Variants in PAFAH2 observed in about 807,000 individuals in gnomAD.
The protein encoded by PAFAH2 is platelet activating factor acetylhydrolase 2, also known as platelet-activating factor acetylhydrolase 2, cytoplasmic.
In PAFAH2, 42 loss-of-function variants were observed where a neutral mutation model predicts 49.0. The ratio of observed to expected loss-of-function variants is 0.86; its 90% CI spans 0.67 to 1.11. The LOEUF (loss-of-function observed/expected upper bound fraction) is 1.11. Among genes scored for constraint, PAFAH2 ranks in the 50% least tolerant of loss-of-function variants. PAFAH2 has a pLI of 0.00. For missense variants in PAFAH2, 503 were observed against 501.8 expected, an observed-to-expected ratio of 1.00 and a Z score of -0.02; for synonymous variants, 184 against 181.3, an observed-to-expected ratio of 1.01 and a Z score of -0.12.
rs546726819 is a variant in PAFAH2 at position 25,961,735 on chromosome 1, T to C, written c.*254A>G. 1.2e-4 allele frequency: 47 copies of C among 393,502 alleles called. No individual in the cohort carries two copies. The highest frequency in any genetic ancestry group is 9.7e-4 in the African/African-American group (47 of 48,470). The allele number at this position is 393,502 out of a possible 1,614,324, so 24.4% of individuals were successfully genotyped here. ...GCCTGGGTCTCCCCCAGTCCCACTC[T>C]ACTGCTTGTTCCCCACTCCATCAAG... On this transcript the variant is annotated 3_prime_UTR_variant, in exon 11 of 11. Coordinates refer to ENST00000374282, the MANE Select transcript of PAFAH2 (RefSeq NM_000437.4).
intron 7 of PAFAH2, among the ~76,000 whole-genome samples, chr1:25,977,206 T>A (rs1190130321): frequency 1.3e-5 from 2 of 150,432 alleles, no homozygotes; most frequent in African/African-American, 4.9e-5. Flanking sequence ...GTATTTTTAG[T>A]AGAGACGGGG....
At chr1:25,971,655 C>T (rs191319594) in intron 10 of PAFAH2, among the ~76,000 whole-genome samples, 61 of 152,320 alleles carry the variant, frequency 4.0e-4, no homozygotes, top group Admixed American at 2.1e-3. Flanking sequence ...ACTGCACTCC[C>T]ACCCAGTCCA....
At chr1:25,984,641 T>G (rs190009433) in intron 4 of PAFAH2, 113 bp from the exon 5 acceptor site, 1 of 767,092 alleles carries the variant, frequency 1.3e-6, no homozygotes, top group African/African-American at 1.7e-5. Context: ...ACATCAACCT[T>G]AACTGTCTAC....
At chr1:25,980,612 TATATATATATATATATATA>T (rs1274681977) in intron 7 of PAFAH2, among the ~76,000 whole-genome samples, 1 of 19,504 alleles carries the variant, frequency 5.1e-5, no homozygotes, top group Non-Finnish European at 2.5e-4. Context: ...GGGCCATATT[TATATATATATATATATATA>T]TTTTATATAT....
chr1:25,990,532 T>C (rs922196785), intron 2 of PAFAH2, among the ~76,000 whole-genome samples, 195 bp downstream of exon 2: 4 of 152,158 alleles, frequency 2.6e-5, no homozygotes, highest in African/African-American at 9.7e-5. Context: ...TATCTCTGTC[T>C]ATTGGGATGT....
At chr1:25,981,449 C>T (rs2049687036) in intron 7 of PAFAH2, among the ~76,000 whole-genome samples, 1 of 151,892 alleles carries the variant, frequency 6.6e-6, no homozygotes, top group Non-Finnish European at 1.5e-5. Context: ...GGTTTTATAC[C>T]CTCCCGGGAG....
chr1:25,978,208 A>C (rs1010053815), intron 7 of PAFAH2, among the ~76,000 whole-genome samples: 1 of 152,126 alleles, frequency 6.6e-6, no homozygotes, highest in African/African-American at 2.4e-5. Flanking sequence ...CAACATTAAA[A>C]AAAAATAGGT....
intron 10 of PAFAH2, among the ~76,000 whole-genome samples, chr1:25,972,349 C>T (rs2049521661): frequency 6.6e-6 from 1 of 151,960 alleles, no homozygotes; most frequent in Non-Finnish European, 1.5e-5. Flanking sequence ...CCTCCCACCT[C>T]AACCCACCAA....
At chr1:25,991,669 G>A (rs571353701) in intron 1 of PAFAH2, among the ~76,000 whole-genome samples, 2 of 148,226 alleles carry the variant, frequency 1.3e-5, no homozygotes, top group South Asian at 4.6e-4. Context: ...GAGGCGGGCA[G>A]ATCACCTGAG....
chr1:25,987,448 G>C (rs2049799376), intron 4 of PAFAH2, among the ~76,000 whole-genome samples: 1 of 151,192 alleles, frequency 6.6e-6, no homozygotes. Context: ...AAGAACACAT[G>C]GGGCCGGGCG....
Position 25,967,053 on chromosome 1 carries a change from C to T in PAFAH2, c.1085-4970G>A, listed in dbSNP as rs559456702. 5.4e-4 allele frequency among the ~76,000 whole-genome samples: 68 copies of T among 126,434 alleles called. 1 individual carries two copies. The highest frequency in any genetic ancestry group is 1.3e-3 in the African/African-American group (51 of 37,890). The allele number at this position is 126,434 out of a possible 152,430, so 82.9% of individuals were successfully genotyped here. A position where few individuals can be genotyped will look rare whatever the true frequency, so the allele number is the denominator to read the frequency against. On this transcript the variant is annotated intron_variant, in intron 10 of 10. Coordinates refer to ENST00000374282, the MANE Select transcript of PAFAH2 (RefSeq NM_000437.4). ...TCTCAAAAAAAAAAAAAAAAAAAGA[C>T]TGTGAAGAGAGGGACTGGCAAGGGT... is the stretch of plus-strand genomic sequence containing the variant.
rs1207003638 is a variant in PAFAH2 at position 25,972,644 on chromosome 1, GAGA to G, written c.995_997del (p.Phe332del). The G allele has an allele frequency of 3.1e-6, 5 of 1,613,824 alleles. 1 individual carries two copies. The highest frequency in any genetic ancestry group is 3.3e-5 in the Admixed American group (2 of 59,986). The stretch of plus-strand genomic sequence containing the variant: ...GTCCAGGCTCCCACGGGTTTCAGTG[GAGA>G]AGAATTTACCAATCAAGTTGCCAGT... On this transcript the variant is annotated inframe_deletion, in exon 10 of 11. Coordinates refer to ENST00000374282, the MANE Select transcript of PAFAH2 (RefSeq NM_000437.4).
intron 10 of PAFAH2, among the ~76,000 whole-genome samples, chr1:25,971,106 T>TCTTGAGCTC (rs2049503109): frequency 1.3e-5 from 2 of 151,998 alleles, no homozygotes; most frequent in Admixed American, 1.3e-4. Flanking sequence ...TCTTGAGGGG[T>TCTTGAGCTC]TAACCTGGGC....
At position 25,962,069 on chromosome 1, in the gene PAFAH2, A is replaced by C. The variant is rs760348294; in HGVS notation, c.1099T>G (p.Tyr367Asp). The change falls in exon 11 of 11, where the codon TAT becomes GAT. Residue 367 changes from tyrosine to aspartate, a missense_variant. By Grantham distance (160) the Tyr-to-Asp change is radical. Transcript: ENST00000374282. ...LQKHLDLKED[Y>D]NQWNNLIEGI... Reference sequence around the variant, plus strand: ...TCAATAAGGTTGTTCCATTGATTATAGTCTTCTTTCAGGTCTGAAAAGGAA... The same window carrying C: ...TCAATAAGGTTGTTCCATTGATTATCGTCTTCTTTCAGGTCTGAAAAGGAA... 6.2e-7 allele frequency: 1 copy of C among 1,613,588 alleles called. No homozygotes were observed. The highest frequency in any genetic ancestry group is 8.5e-7 in the Non-Finnish European group (1 of 1,179,720).
intron 6 of PAFAH2, among the ~76,000 whole-genome samples, chr1:25,983,386 A>AAAAAAT (rs1160088442): frequency 6.6e-6 from 1 of 151,944 alleles, no homozygotes; most frequent in Non-Finnish European, 1.5e-5. Flanking sequence ...CTCTGTCCCA[A>AAAAAAT]AAAAATAAAA....
At position 25,961,874 on chromosome 1, in the gene PAFAH2, T is replaced by C; in HGVS notation, c.*115A>G. 1.5e-6 allele frequency: 1 copy of C among 677,776 alleles called. No homozygotes were observed. Among genetic ancestry groups the C allele is most frequent in the Non-Finnish European group, 2.6e-6 (1 of 380,238 alleles). 42.0% of individuals were successfully genotyped at this position (677,776 alleles called of 1,614,324 possible). On this transcript the variant is annotated 3_prime_UTR_variant, in exon 11 of 11. Coordinates refer to ENST00000374282, the MANE Select transcript of PAFAH2 (RefSeq NM_000437.4). Reference sequence around the variant, plus strand: ...CCAAGCAGCAGTGTGATTACACCTTTCAATCTGTGAAAAGGGGTCACGTTG... The same window carrying C: ...CCAAGCAGCAGTGTGATTACACCTTCCAATCTGTGAAAAGGGGTCACGTTG...
At chr1:25,972,856 C>G (rs2049531223) in intron 9 of PAFAH2, 144 bp from the exon 10 acceptor site, 1 of 823,262 alleles carries the variant, frequency 1.2e-6, no homozygotes, top group African/African-American at 1.7e-5. Flanking sequence ...TATTTTCCCC[C>G]TTGACAGAAT....
At chr1:25,990,647 C>G (rs2049858121) in intron 2 of PAFAH2, 80 bp downstream of exon 2, 1 of 1,170,796 alleles carries the variant, frequency 8.5e-7, no homozygotes, top group Admixed American at 1.8e-5. Flanking sequence ...CGTGGGAATA[C>G]AGGATCAGAC....
intron 6 of PAFAH2, 98 bp downstream of exon 6, chr1:25,983,848 G>T: frequency 7.5e-7 from 1 of 1,336,902 alleles, no homozygotes; most frequent in South Asian, 1.3e-5. Context: ...CACTATGACT[G>T]ACATTTCAAG....
Sources: allele counts gnomAD v4.1 joint callset (sites outside exome capture counted in the v4.1 genomes callset), GRCh38; gene constraint gnomAD v4.1.1; transcripts MANE v1.5; gene names NCBI Gene and HGNC (gene_info 2026-07-23, HGNC 2026-07-21).